HS3ST2: variants seen among roughly 807,000 people sequenced by gnomAD.
The protein encoded by HS3ST2 is heparan sulfate glucosamine 3-O-sulfotransferase 2.
Under a neutral mutation model 26.3 loss-of-function variants are expected in HS3ST2, and 17 were observed. The ratio of observed to expected loss-of-function variants is 0.65; its 90% CI spans 0.44 to 0.97. The LOEUF is 0.97. HS3ST2 is among the 50% of genes least tolerant of loss of function. The pLI, the probability that HS3ST2 is intolerant of heterozygous loss-of-function variation, is 0.00. For synonymous variants in HS3ST2, 237 were observed against 219.2 expected (o/e 1.08, Z -0.72); for missense variants, 402 against 501.2 (o/e 0.80, Z 1.89).
intron 1 of HS3ST2, among the ~76,000 whole-genome samples, chr16:22,817,549 A>T (rs1014867779): frequency 1.3e-5 from 2 of 152,330 alleles, no homozygotes; most frequent in East Asian, 3.9e-4. Context: ...TGCAGAAATC[A>T]TGGGGATTTC....
chr16:22,872,690 G>A (rs1827586), intron 1 of HS3ST2, among the ~76,000 whole-genome samples: 19,635 of 152,052 alleles, frequency 0.13, 1,823 homozygotes, highest in East Asian at 0.34. Flanking sequence ...GACGTGGACC[G>A]CTGGGTGATG....
intron 1 of HS3ST2, among the ~76,000 whole-genome samples, chr16:22,899,738 G>T (rs965952549): frequency 6.6e-6 from 1 of 152,212 alleles, no homozygotes; most frequent in African/African-American, 2.4e-5. Flanking sequence ...AAGAGAGAGA[G>T]CATGTGCAGG....
chr16:22,893,877 G>T lies in HS3ST2; in HGVS notation c.486-21067G>T, dbSNP rs566865516. 1.3e-4 allele frequency among the ~76,000 whole-genome samples: 19 copies of T among 151,994 alleles called. No homozygotes were observed. In the South Asian group the frequency reaches 3.5e-3, roughly 28 times the overall value. ...ATCATAGCTCACTGCAGCCTCAACCGCCCAGGCTCAAGCGATCTTCCACCT... is the reference window on the plus strand; with the variant it reads ...ATCATAGCTCACTGCAGCCTCAACCTCCCAGGCTCAAGCGATCTTCCACCT... On this transcript the variant is annotated intron_variant, in intron 1 of 1. Transcript: ENST00000261374.
intron 1 of HS3ST2, among the ~76,000 whole-genome samples, chr16:22,841,454 G>C (rs961804745): frequency 1.4e-4 from 21 of 152,198 alleles, no homozygotes; most frequent in African/African-American, 4.8e-4. Context: ...CTCTCCTTCA[G>C]CTACTTGGGA....
chr16:22,842,278 G>A (rs1017389971), intron 1 of HS3ST2, among the ~76,000 whole-genome samples: 3 of 151,908 alleles, frequency 2.0e-5, no homozygotes, highest in South Asian at 2.1e-4. Context: ...GGTCAAGCTC[G>A]TCTCGAACTC....
At chr16:22,861,372 A>T (rs1285682072) in intron 1 of HS3ST2, among the ~76,000 whole-genome samples, 1 of 151,764 alleles carries the variant, frequency 6.6e-6, no homozygotes, top group Non-Finnish European at 1.5e-5. Context: ...AGTTGAACCC[A>T]GTTGGCTACT....
chr16:22,893,650 A>T (rs201557012), intron 1 of HS3ST2, among the ~76,000 whole-genome samples: 1,812 of 53,756 alleles, frequency 0.034, 7 homozygotes, highest in African/African-American at 0.047. Flanking sequence ...TTTTTTTTTT[A>T]AATTTTTTGT....
chr16:22,833,014 T>C (rs1300043959), intron 1 of HS3ST2, among the ~76,000 whole-genome samples: 1 of 152,034 alleles, frequency 6.6e-6, no homozygotes, highest in Non-Finnish European at 1.5e-5. Context: ...ATACCCTCAG[T>C]TCCTTCTTCT....
chr16:22,896,194 C>T (rs1485986806), intron 1 of HS3ST2, among the ~76,000 whole-genome samples: 1 of 152,190 alleles, frequency 6.6e-6, no homozygotes, highest in African/African-American at 2.4e-5. Flanking sequence ...AACCCCATCA[C>T]TGTCCTTTTA....
At chr16:22,848,521 AT>A (rs113672191) in intron 1 of HS3ST2, among the ~76,000 whole-genome samples, 34,225 of 151,994 alleles carry the variant, frequency 0.23, 4,812 homozygotes, top group African/African-American at 0.39. Flanking sequence ...TCCATACAGC[AT>A]TTTTTTAAAA....
chr16:22,815,104 C>G lies in HS3ST2; in HGVS notation c.485+9C>G. On this transcript the variant is annotated intron_variant, in intron 1 of 1. Transcript: ENST00000261374. ...GGGCTGGATTGGTACAGGTAAGGAC[C>G]AGGAGCTCCGCTCCGTGCGCCGGGT... The G allele has an allele frequency of 6.2e-7, 1 of 1,611,870 alleles. No homozygotes were observed. Among genetic ancestry groups the G allele is most frequent in the South Asian group, 1.1e-5 (1 of 90,922 alleles).
At chr16:22,845,825 T>C (rs1331760278) in intron 1 of HS3ST2, among the ~76,000 whole-genome samples, 1 of 152,198 alleles carries the variant, frequency 6.6e-6, no homozygotes, top group African/African-American at 2.4e-5. Flanking sequence ...CAAATGCAAC[T>C]TCTGGTAAAG....
chr16:22,849,856 T>G (rs1901494346), intron 1 of HS3ST2, among the ~76,000 whole-genome samples: 1 of 152,150 alleles, frequency 6.6e-6, no homozygotes, highest in South Asian at 2.1e-4. Context: ...TGATTTTGAA[T>G]AGTTCTCACA....
intron 1 of HS3ST2, among the ~76,000 whole-genome samples, chr16:22,840,990 G>GTGTGTGATGTTCCCCTTCCTGTGTCCA (rs1901346198): frequency 8.7e-6 from 1 of 115,032 alleles, no homozygotes; most frequent in Non-Finnish European, 1.7e-5. Flanking sequence ...ACAGGCCCCA[G>GTGTGTGATGTTCCCCTTCCTGTGTCCA]TGTGTGATGT....
Position 22,864,882 on chromosome 16 carries a change from C to CAAAAAAAAAAAAA in HS3ST2, c.485+49795_485+49807dup, listed in dbSNP as rs34942780. Among the ~76,000 whole-genome samples, 122 of 57,096 alleles carry CAAAAAAAAAAAAA rather than the reference C, an allele frequency of 2.1e-3. 9 individuals are homozygous for CAAAAAAAAAAAAA. Among genetic ancestry groups the CAAAAAAAAAAAAA allele is most frequent in the African/African-American group, 5.6e-3 (87 of 15,626 alleles). The allele number at this position is 57,096 out of a possible 152,430, so 37.5% of individuals were successfully genotyped here. ...GCAACATAGGGAGACCCTGTCTCCACAAAAAAAAAAAAAAAAAAAATAGCC... is the reference window on the plus strand; with the variant it reads ...GCAACATAGGGAGACCCTGTCTCCACAAAAAAAAAAAAAAAAAAAAAAAAAAAAAAAAATAGCC... On this transcript the variant is annotated intron_variant, in intron 1 of 1. Coordinates refer to ENST00000261374, the MANE Select transcript of HS3ST2 (RefSeq NM_006043.2).
chr16:22,857,462 T>C (rs1301056726), intron 1 of HS3ST2, among the ~76,000 whole-genome samples: 2 of 152,224 alleles, frequency 1.3e-5, no homozygotes, highest in Non-Finnish European at 2.9e-5. Flanking sequence ...TATCATTTCC[T>C]TTCCAGCCTC....
intron 1 of HS3ST2, among the ~76,000 whole-genome samples, chr16:22,841,210 C>T (rs969004591): frequency 6.6e-6 from 1 of 152,020 alleles, no homozygotes; most frequent in African/African-American, 2.4e-5. Flanking sequence ...TACAGGCACC[C>T]ACCAGCATGC....
At chr16:22,908,181 A>G (rs1023466468) in intron 1 of HS3ST2, among the ~76,000 whole-genome samples, 9 of 152,140 alleles carry the variant, frequency 5.9e-5, no homozygotes, top group African/African-American at 2.2e-4. Flanking sequence ...CATTGAGAAG[A>G]TCCAGAATGG....
At chr16:22,844,576 G>A (rs568421007) in intron 1 of HS3ST2, among the ~76,000 whole-genome samples, 1 of 152,112 alleles carries the variant, frequency 6.6e-6, no homozygotes, top group Non-Finnish European at 1.5e-5. Flanking sequence ...TGTAGGAGGA[G>A]GGGCCTGGTG....
Sources: gnomAD v4.1 joint callset for allele counts (sites outside exome capture counted in the v4.1 genomes callset) on GRCh38, gnomAD v4.1.1 for gene constraint, MANE v1.5 for transcripts, NCBI Gene and HGNC (gene_info 2026-07-23, HGNC 2026-07-21) for gene names.